Variants in KDM4C observed in about 807,000 individuals in gnomAD.
KDM4C encodes the protein lysine-specific demethylase 4C.
A neutral mutation model predicts 129.3 loss-of-function variants in KDM4C; 81 were observed. That is an observed-to-expected ratio of 0.63 (90% CI 0.52 to 0.75). The LOEUF (loss-of-function observed/expected upper bound fraction) is 0.75. Ranked by LOEUF, KDM4C falls within the 30% of genes least tolerant of loss-of-function variation. The pLI, the probability that KDM4C is intolerant of heterozygous loss-of-function variation, is 0.00. For synonymous variants in KDM4C, 573 were observed against 456.1 expected (o/e 1.26, Z -3.26); for missense variants, 1,457 against 1,304.0 (o/e 1.12, Z -1.81).
intron 4 of KDM4C, among the ~76,000 whole-genome samples, chr9:6,849,243 T>A (rs1838394723): frequency 6.6e-6 from 1 of 152,216 alleles, no homozygotes; most frequent in African/African-American, 2.4e-5. Context: ...TAACTTTCAT[T>A]TCCATTTGGC....
chr9:7,004,947 C>G (rs2132071132), intron 12 of KDM4C, among the ~76,000 whole-genome samples: 1 of 152,316 alleles, frequency 6.6e-6, no homozygotes, highest in East Asian at 1.9e-4. Flanking sequence ...AGATAGTCTG[C>G]TTTGCCAGTT....
At chr9:6,791,557 T>C (rs917149883) in intron 1 of KDM4C, among the ~76,000 whole-genome samples, 48 of 152,244 alleles carry the variant, frequency 3.2e-4, no homozygotes, top group African/African-American at 1.2e-3. Flanking sequence ...TGTTAATTAC[T>C]GTAGGAAGGC....
intron 14 of KDM4C, 191 bp downstream of exon 14, chr9:7,014,192 TGTA>T: frequency 1.8e-6 from 1 of 556,538 alleles, no homozygotes; most frequent in Non-Finnish European, 3.1e-6. Context: ...ACCACTTTCA[TGTA>T]GTATCCGTGG....
At chr9:6,992,616 G>C (rs1315198030) in intron 12 of KDM4C, among the ~76,000 whole-genome samples, 1 of 152,152 alleles carries the variant, frequency 6.6e-6, no homozygotes. Flanking sequence ...TGTTACCTTA[G>C]CCATTTGCCT....
At chr9:7,021,760 T>C (rs1358643612) in intron 15 of KDM4C, among the ~76,000 whole-genome samples, 1 of 152,210 alleles carries the variant, frequency 6.6e-6, no homozygotes, top group South Asian at 2.1e-4. Flanking sequence ...TTTCCCAATA[T>C]TTTCTGTTAG....
intron 17 of KDM4C, among the ~76,000 whole-genome samples, chr9:7,090,058 T>C (rs1009477951): frequency 3.9e-5 from 6 of 152,258 alleles, no homozygotes; most frequent in Non-Finnish European, 8.8e-5. Flanking sequence ...TGCTGTCCAA[T>C]GCTTGAAACC....
chr9:7,010,330 C>A (rs373086569), intron 12 of KDM4C, among the ~76,000 whole-genome samples: 1 of 152,132 alleles, frequency 6.6e-6, no homozygotes, highest in African/African-American at 2.4e-5. Flanking sequence ...ACCATGATAA[C>A]GTGATTATTA....
chr9:6,849,742 A>G (rs1169680202), intron 5 of KDM4C, 42 bp downstream of exon 5: 4 of 1,454,372 alleles, frequency 2.8e-6, no homozygotes, highest in Non-Finnish European at 3.7e-6. Flanking sequence ...GGAGTTTTGA[A>G]ATTTGGGCAT....
At chr9:6,856,223 A>T (rs1839785267) in intron 5 of KDM4C, among the ~76,000 whole-genome samples, 1 of 152,100 alleles carries the variant, frequency 6.6e-6, no homozygotes, top group Non-Finnish European at 1.5e-5. Flanking sequence ...GATAGTATTT[A>T]GTGATCCATT....
At chr9:7,106,769 G>A (rs10815515) in intron 18 of KDM4C, among the ~76,000 whole-genome samples, 33,441 of 151,980 alleles carry the variant, frequency 0.22, 3,955 homozygotes, top group East Asian at 0.45. Context: ...TGCCGGAGTT[G>A]TAGGTGTGAT....
chr9:6,955,602 C>G (rs1828922730), intron 8 of KDM4C, among the ~76,000 whole-genome samples: 1 of 152,184 alleles, frequency 6.6e-6, no homozygotes, highest in South Asian at 2.1e-4. Flanking sequence ...AAAACGTGAC[C>G]AGCCTCTGAT....
chr9:6,884,208 C>G (rs933114833), intron 6 of KDM4C, among the ~76,000 whole-genome samples: 2 of 152,106 alleles, frequency 1.3e-5, no homozygotes, highest in East Asian at 3.9e-4. Context: ...GGATAATTTT[C>G]TATCCATTCC....
intron 18 of KDM4C, among the ~76,000 whole-genome samples, chr9:7,119,501 A>G (rs1369884232): frequency 2.0e-5 from 3 of 152,256 alleles, no homozygotes; most frequent in East Asian, 1.9e-4. Context: ...AAAAAATATT[A>G]TTTATGCTCA....
chr9:6,723,657 A>T (rs1306075095), intron 1 of KDM4C: 1 of 148,662 alleles, frequency 6.7e-6, no homozygotes, highest in Non-Finnish European at 1.5e-5. Flanking sequence ...AAAATTGGGG[A>T]CTATGTATAT....
At chr9:7,173,251 TAG>T in intron 21 of KDM4C, among the ~76,000 whole-genome samples, 1 of 152,096 alleles carries the variant, frequency 6.6e-6, no homozygotes, top group Non-Finnish European at 1.5e-5. Context: ...GCAGAGACAG[TAG>T]AATAGAATAA....
At chr9:6,902,019 G>C (rs1384212986) in intron 8 of KDM4C, among the ~76,000 whole-genome samples, 1 of 152,176 alleles carries the variant, frequency 6.6e-6, no homozygotes, top group Non-Finnish European at 1.5e-5. Context: ...GACTCTGGTG[G>C]ATGCTGTGGG....
At chr9:7,088,938 G>A (rs192059928) in intron 17 of KDM4C, among the ~76,000 whole-genome samples, 11 of 152,172 alleles carry the variant, frequency 7.2e-5, no homozygotes, top group East Asian at 5.8e-4. Context: ...TAAGAAAGCC[G>A]ATATTTTGTC....
chr9:6,731,325 CTTTTT>C (rs34724329), intron 1 of KDM4C, among the ~76,000 whole-genome samples: 14,683 of 113,958 alleles, frequency 0.13, 837 homozygotes, highest in African/African-American at 0.21. Context: ...TTTTTTTTTG[CTTTTT>C]TTTTTTTTTT....
chr9:6,797,589 T>C (rs1827992977), intron 2 of KDM4C, among the ~76,000 whole-genome samples: 1 of 152,200 alleles, frequency 6.6e-6, no homozygotes, highest in South Asian at 2.1e-4. Context: ...TTTTTTTATA[T>C]ATGAAGTGGG....
Sources: allele counts gnomAD v4.1 joint callset (sites outside exome capture counted in the v4.1 genomes callset), GRCh38; gene constraint gnomAD v4.1.1; transcripts MANE v1.5; gene names NCBI Gene and HGNC (gene_info 2026-07-23, HGNC 2026-07-21).